The following LCN15 variants were observed in gnomAD, a reference collection of about 807,000 sequenced individuals.
LCN15 encodes the protein lipocalin-15.
In LCN15, 26 loss-of-function variants were observed where a neutral mutation model predicts 23.1. That is an observed-to-expected ratio of 1.13 (90% CI 0.82 to 1.56). LCN15 has a LOEUF of 1.56. LCN15 is among the 40% of genes most tolerant of loss of function. The pLI is 0.00. For synonymous variants in LCN15, 107 were observed against 98.3 expected, an observed-to-expected ratio of 1.09 and a Z score of -0.52; for missense variants, 241 against 239.5, an observed-to-expected ratio of 1.01 and a Z score of -0.04.
intron 6 of LCN15, among the ~76,000 whole-genome samples, chr9:136,760,497 G>A (rs898336321): frequency 2.0e-5 from 3 of 152,136 alleles, no homozygotes; most frequent in African/African-American, 4.8e-5. Context: ...CCTCAGAGCC[G>A]CCCACCTCCT....
chr9:136,764,509 C>A lies in LCN15; in HGVS notation c.-21G>T. On this transcript the variant is annotated 5_prime_UTR_variant, in exon 1 of 7. Coordinates refer to ENST00000316144, the MANE Select transcript of LCN15 (RefSeq NM_203347.2). Reference sequence around the variant, plus strand: ...ATCATCCCCTCCCCTGCCCTCCAGCCCCTGGTGCTGAGTCCCCAAGCCCCA... The same window carrying A: ...ATCATCCCCTCCCCTGCCCTCCAGCACCTGGTGCTGAGTCCCCAAGCCCCA... 1.2e-6 allele frequency: 2 copies of A among 1,600,754 alleles called. No individual in the cohort carries two copies. Among genetic ancestry groups the A allele is most frequent in the Non-Finnish European group, 1.7e-6 (2 of 1,172,374 alleles).
At chr9:136,760,648 G>A (rs1008399240) in intron 6 of LCN15, among the ~76,000 whole-genome samples, 2 of 152,252 alleles carry the variant, frequency 1.3e-5, no homozygotes, top group Non-Finnish European at 2.9e-5. Flanking sequence ...GGTTTAGGGG[G>A]GGATCTCCGC....
intron 6 of LCN15, among the ~76,000 whole-genome samples, chr9:136,760,636 CT>C (rs1847306839): frequency 6.6e-6 from 1 of 152,226 alleles, no homozygotes; most frequent in Admixed American, 6.5e-5. Context: ...CTCCCGGCGT[CT>C]GGTTTAGGGG....
At chr9:136,762,122 G>A in intron 5 of LCN15, 66 bp downstream of exon 5, 1 of 1,028,464 alleles carries the variant, frequency 9.7e-7, no homozygotes, top group Admixed American at 2.7e-5. Context: ...GGGGAAGGAA[G>A]GGTGGGCTCA....
In LCN15 at chr9:136,763,486, C is replaced by T; in HGVS notation, c.308-19G>A. The T allele has an allele frequency of 6.5e-7, 1 of 1,549,308 alleles. No individual in the cohort carries two copies. Among genetic ancestry groups the T allele is most frequent in the Non-Finnish European group, 8.8e-7 (1 of 1,137,282 alleles). ...CCCAAGGCTGCGGAGAGGCAGGCGG[C>T]CTTTTCAGGCTGGAGAAGTGGATGG... On this transcript the variant is annotated intron_variant, in intron 3 of 6. Coordinates refer to ENST00000316144, the MANE Select transcript of LCN15 (RefSeq NM_203347.2).
chr9:136,762,170 CGGGG>C lies in LCN15; in HGVS notation c.520+14_520+17del. 12 of 1,346,648 alleles carry C rather than the reference CGGGG, an allele frequency of 8.9e-6. No individual in the cohort carries two copies. The highest frequency in any genetic ancestry group is 1.2e-5 in the Non-Finnish European group (12 of 999,100). 83.4% of individuals were successfully genotyped at this position (1,346,648 alleles called of 1,614,324 possible). On this transcript the variant is annotated intron_variant, in intron 5 of 6. Transcript: ENST00000316144. ...GAGAGGCTGGGGGGCATGGGGTGGG[CGGGG>C]CTTGCCAGGGTACCTGACTGGGGCA...
Position 136,761,991 on chromosome 9 carries a change from G to T in LCN15, c.521-138C>A. ...AGTGGAGCCCAGAGCTTCCCTCCCAGCGCTGCCCAAAGCCTCTCCCGTAGT... is the reference window on the plus strand; with the variant it reads ...AGTGGAGCCCAGAGCTTCCCTCCCATCGCTGCCCAAAGCCTCTCCCGTAGT... On this transcript the variant is annotated intron_variant, in intron 5 of 6. Transcript: ENST00000316144. This position sits in a 1 kb window ranked among gnomAD's most constrained non-coding sequence, Gnocchi z 4.2. 1.2e-6 allele frequency: 1 copy of T among 822,566 alleles called. No homozygotes were observed. The highest frequency in any genetic ancestry group is 1.8e-6 in the Non-Finnish European group (1 of 561,842). 51.0% of individuals were successfully genotyped at this position (822,566 alleles called of 1,614,324 possible).
chr9:136,763,432 CTG>C lies in LCN15; in HGVS notation c.341_342del (p.Thr114ArgfsTer65), dbSNP rs768103551. 29 of 1,609,856 alleles carry C rather than the reference CTG, an allele frequency of 1.8e-5. No homozygotes were observed. The highest frequency in any genetic ancestry group is 2.5e-5 in the Non-Finnish European group (29 of 1,178,620). ...LGYLDVRIVD[T>X]DYSSFAVLYI... The stretch of plus-strand genomic sequence containing the variant: ...TAAAGGACGGCGAAGGAGCTGTAGT[CTG>C]TGTCCACGATGCGCACGTCCAGGTA... On this transcript the variant is annotated frameshift_variant, in exon 4 of 7. Coordinates refer to ENST00000316144, the MANE Select transcript of LCN15 (RefSeq NM_203347.2). LOFTEE classifies it high-confidence loss of function.
At position 136,763,702 on chromosome 9, in the gene LCN15, G is replaced by A. The variant is rs764330681; in HGVS notation, c.307+11C>T. Reference sequence around the variant, plus strand: ...TCCAGCACCCCTGAAGGCAGAGGAGGCAGGACCTACCCGGGACTCTGAAGT... The same window carrying A: ...TCCAGCACCCCTGAAGGCAGAGGAGACAGGACCTACCCGGGACTCTGAAGT... On this transcript the variant is annotated intron_variant, in intron 3 of 6. Coordinates refer to ENST00000316144, the MANE Select transcript of LCN15 (RefSeq NM_203347.2). The A allele has an allele frequency of 3.7e-6, 6 of 1,612,982 alleles. No homozygotes were observed. Among genetic ancestry groups the A allele is most frequent in the Middle Eastern group, 1.7e-4 (1 of 5,998 alleles).
intron 5 of LCN15, 30 bp downstream of exon 5, chr9:136,762,158 G>A (rs754993880): frequency 1.7e-5 from 23 of 1,318,172 alleles, no homozygotes; most frequent in African/African-American, 4.4e-5. Context: ...AGGCTGGGGG[G>A]CATGGGGTGG....
Position 136,762,218 on chromosome 9 carries a change from TG to T in LCN15, c.489del (p.Lys164ArgfsTer3). ...TGGGGCAGCATGACCATCATGTCCT[TG>T]GGGAGCCCCAGGGTCGGGTAGAAGT... ...FQDFYPTLGL[P>X]KDMMVMLPQS... On this transcript the variant is annotated frameshift_variant, in exon 5 of 7. Transcript: ENST00000316144. LOFTEE classifies it high-confidence loss of function. 1 of 1,597,194 alleles carries T rather than the reference TG, an allele frequency of 6.3e-7. No individual in the cohort carries two copies. Among genetic ancestry groups the T allele is most frequent in the Non-Finnish European group, 8.5e-7 (1 of 1,172,506 alleles).
At chr9:136,763,509 T>A in intron 3 of LCN15, 42 bp from the exon 4 acceptor site, 1 of 1,406,866 alleles carries the variant, frequency 7.1e-7, no homozygotes. Context: ...GAGAAGTGGA[T>A]GGGCCCGGGC....
At chr9:136,760,587 A>T (rs1164261175) in intron 6 of LCN15, among the ~76,000 whole-genome samples, 1 of 152,166 alleles carries the variant, frequency 6.6e-6, no homozygotes, top group African/African-American at 2.4e-5. Flanking sequence ...GGCTGTGCCC[A>T]GATTCTTGGC....
rs755219841 is a variant in LCN15, at chr9:136,763,391, C to T, written c.384G>A (p.Leu128=). The change falls in exon 4 of 7, where the codon CTG becomes CTA. Residue 128 remains leucine (L), a synonymous_variant. Coordinates refer to ENST00000316144, the MANE Select transcript of LCN15 (RefSeq NM_203347.2). ...GCACCATGGTGCTGAGGGCCCCCTC[C>T]AGCTCCTTGTAGATGTAAAGGACGG... ...SFAVLYIYKE[L]EGALSTMVQL... 2.5e-6 allele frequency: 4 copies of T among 1,605,790 alleles called. No individual in the cohort carries two copies. In the South Asian group the frequency reaches 4.4e-5, roughly 18 times the overall value.
At position 136,759,692 on chromosome 9, in the gene LCN15, G is replaced by A. The variant is rs1439803721; in HGVS notation, c.*124C>T. 6.6e-6 allele frequency: 1 copy of A among 152,334 alleles called. No homozygotes were observed. The highest frequency in any genetic ancestry group is 1.5e-5 in the Non-Finnish European group (1 of 68,132). The allele number at this position is 152,334 out of a possible 1,614,324, so 9.4% of individuals were successfully genotyped here. A position where few individuals can be genotyped will look rare whatever the true frequency, so the allele number is the denominator to read the frequency against. Reference sequence around the variant, plus strand: ...AGACGTCCCACAAGGCATCCCACAGGCGGGGGGTGGAGGATGGAGAGACTC... The same window carrying A: ...AGACGTCCCACAAGGCATCCCACAGACGGGGGGTGGAGGATGGAGAGACTC... On this transcript the variant is annotated 3_prime_UTR_variant, in exon 7 of 7. Coordinates refer to ENST00000316144, the MANE Select transcript of LCN15 (RefSeq NM_203347.2).
chr9:136,764,073 A>T, intron 1 of LCN15, 64 bp from the exon 2 acceptor site: 1 of 1,582,540 alleles, frequency 6.3e-7, no homozygotes, highest in Non-Finnish European at 8.6e-7. Flanking sequence ...TTGCCCAGGG[A>T]CCCAGGGGAC....
In LCN15 at chr9:136,763,784, C is replaced by T. The variant is rs1847349307; in HGVS notation, c.237-1G>A. ...ATCCACCTGGTTACAGCCGTCCGCC[C>T]TGGGGGTGCACAGCCGGCTCACTCA... On this transcript the variant is annotated splice_acceptor_variant, in intron 2 of 6. Coordinates refer to ENST00000316144, the MANE Select transcript of LCN15 (RefSeq NM_203347.2). LOFTEE classifies it high-confidence loss of function. 1.9e-6 allele frequency: 3 copies of T among 1,613,486 alleles called. No homozygotes were observed. The highest frequency in any genetic ancestry group is 2.2e-5 in the East Asian group (1 of 44,882).
rs939287717 is a variant in LCN15, at chr9:136,764,449, A to G, written c.40T>C (p.Trp14Arg). Residue 14 changes from tryptophan to arginine, a missense_variant, in exon 1 of 7, where the codon TGG becomes CGG. Trp to Arg is a moderately radical substitution (Grantham distance 101). Transcript: ENST00000316144. ...FLLGAILTLL[W>R]APTAQAEVLL... Reference sequence around the variant, plus strand: ...ACCTCAGCCTGAGCCGTGGGCGCCCAGAGCAGGGTCAGGATTGCGCCGAGC... The same window carrying G: ...ACCTCAGCCTGAGCCGTGGGCGCCCGGAGCAGGGTCAGGATTGCGCCGAGC... 1.9e-6 allele frequency: 3 copies of G among 1,613,210 alleles called. No individual in the cohort carries two copies. In the African/African-American group the frequency reaches 4.0e-5, roughly 22 times the overall value.
intron 1 of LCN15, 47 bp from the exon 2 acceptor site, chr9:136,764,056 G>C (rs371740928): frequency 2.6e-5 from 42 of 1,596,730 alleles, no homozygotes; most frequent in Non-Finnish European, 3.3e-5. Flanking sequence ...CAGCAGCAGG[G>C]CCCTCCTTGC....
Sources: allele counts gnomAD v4.1 joint callset (sites outside exome capture counted in the v4.1 genomes callset), GRCh38; gene constraint gnomAD v4.1.1; non-coding constraint Gnocchi (gnomAD v3.1); transcripts MANE v1.5; gene names NCBI Gene and HGNC (gene_info 2026-07-23, HGNC 2026-07-21).